The following AMIGO1 variants were observed in gnomAD, a reference collection of about 807,000 sequenced individuals.
AMIGO1 encodes adhesion molecule with Ig like domain 1.
For synonymous variants in AMIGO1, 249 were observed against 266.3 expected, an observed-to-expected ratio of 0.93 and a Z score of 0.63; for missense variants, 361 against 612.3, an observed-to-expected ratio of 0.59 and a Z score of 4.33.
At position 109,504,187 on chromosome 1, in the gene AMIGO1, A is replaced by G. The variant is rs760133267; in HGVS notation, c.*3244T>C. ...TAAACCAGTCAGATTGTGCCAGAAC[A>G]GAGACTCAAGCCAGGTTTAATGATC... On this transcript the variant is annotated 3_prime_UTR_variant, in exon 2 of 2. Coordinates refer to ENST00000369864, the MANE Select transcript of AMIGO1 (RefSeq NM_020703.4). 6.6e-6 allele frequency: 1 copy of G among 152,240 alleles called. No homozygotes were observed. Among genetic ancestry groups the G allele is most frequent in the African/African-American group, 2.4e-5 (1 of 41,442 alleles). 9.4% of individuals were successfully genotyped at this position (152,240 alleles called of 1,614,324 possible). A position where few individuals can be genotyped will look rare whatever the true frequency, so the allele number is the denominator to read the frequency against.
At position 109,505,185 on chromosome 1, in the gene AMIGO1, A is replaced by G. The variant is rs1250241353; in HGVS notation, c.*2246T>C. The G allele has an allele frequency of 1.3e-5, 2 of 152,196 alleles. No individual in the cohort carries two copies. Among genetic ancestry groups the G allele is most frequent in the African/African-American group, 2.4e-5 (1 of 41,434 alleles). The allele number at this position is 152,196 out of a possible 1,614,324, so 9.4% of individuals were successfully genotyped here. A position where few individuals can be genotyped will look rare whatever the true frequency, so the allele number is the denominator to read the frequency against. On this transcript the variant is annotated 3_prime_UTR_variant, in exon 2 of 2. Coordinates refer to ENST00000369864, the MANE Select transcript of AMIGO1 (RefSeq NM_020703.4). ...AATTGCTCATATATTGCTCATATAT[A>G]TAGTCTTCACGGGAGGTTTCTGAGG...
rs1233641959 is a variant in AMIGO1 at position 109,506,059 on chromosome 1, A to C, written c.*1372T>G. ...CCTCTCGATGGAGGAATGGGGTGGC[A>C]GAACTCCCCTTCTGAAAGTTTAGTA... On this transcript the variant is annotated 3_prime_UTR_variant, in exon 2 of 2. Transcript: ENST00000369864. 2.0e-5 allele frequency: 3 copies of C among 152,232 alleles called. No homozygotes were observed. Among genetic ancestry groups the C allele is most frequent in the African/African-American group, 7.2e-5 (3 of 41,458 alleles). 9.4% of individuals were successfully genotyped at this position (152,232 alleles called of 1,614,324 possible).
Position 109,507,646 on chromosome 1 carries a change from G to A in AMIGO1, c.1267C>T (p.Pro423Ser), listed in dbSNP as rs1444937591. 6 of 1,614,028 alleles carry A rather than the reference G, an allele frequency of 3.7e-6. No homozygotes were observed. The highest frequency in any genetic ancestry group is 5.1e-6 in the Non-Finnish European group (6 of 1,180,044). The change falls in exon 2 of 2, where the codon CCC (proline) becomes TCC (serine). Residue 423 changes from proline (P) to serine (S), a missense_variant. Physicochemically the swap from Pro to Ser is moderately conservative, Grantham distance 74 (BLOSUM62 -1). Coordinates refer to ENST00000369864, the MANE Select transcript of AMIGO1 (RefSeq NM_020703.4). This position sits in a 1 kb window ranked among gnomAD's most constrained non-coding sequence, Gnocchi z 4.7. ...CCACCAGCCATAGGATCATGGTTGG[G>A]TGTGGTACTAAGCATGGAAGAGCTG... ...SLSSSMLSTT[P>S]NHDPMAGGDK... is the part of the protein sequence containing the mutation.
In AMIGO1 at chr1:109,505,727, T is replaced by C. The variant is rs1658003818; in HGVS notation, c.*1704A>G. 1.3e-5 allele frequency: 2 copies of C among 152,136 alleles called. No individual in the cohort carries two copies. Among genetic ancestry groups the C allele is most frequent in the African/African-American group, 4.8e-5 (2 of 41,422 alleles). 9.4% of individuals were successfully genotyped at this position (152,136 alleles called of 1,614,324 possible). A position where few individuals can be genotyped will look rare whatever the true frequency, so the allele number is the denominator to read the frequency against. ...TCCAAGCCCCTCACCCACAGGTAAA[T>C]GACACCTCTTAGAATGTAAAAAGAG... On this transcript the variant is annotated 3_prime_UTR_variant, in exon 2 of 2. Transcript: ENST00000369864.
chr1:109,508,755 G>A lies in AMIGO1; in HGVS notation c.158C>T (p.Pro53Leu), dbSNP rs1384668414. Residue 53 changes from proline to leucine, a missense_variant, in exon 2 of 2, where the codon CCC becomes CTC. Transcript: ENST00000369864. This position sits in a 1 kb window ranked among gnomAD's most constrained non-coding sequence, Gnocchi z 7.8. ...NILSCSKQQL[P>L]NVPHSLPSYT... ...ACTGGGCAAGGAATGGGGCACATTGGGCAGCTGCTGCTTGGAGCAGCTGAG... is the reference window on the plus strand; with the variant it reads ...ACTGGGCAAGGAATGGGGCACATTGAGCAGCTGCTGCTTGGAGCAGCTGAG... 6.2e-7 allele frequency: 1 copy of A among 1,614,048 alleles called. No individual in the cohort carries two copies. The highest frequency in any genetic ancestry group is 1.7e-5 in the Admixed American group (1 of 60,014).
rs777746738 is a variant in AMIGO1, at chr1:109,506,604, C to G, written c.*827G>C. The G allele has an allele frequency of 6.6e-6, 1 of 152,220 alleles. No individual in the cohort carries two copies. The highest frequency in any genetic ancestry group is 1.5e-5 in the Non-Finnish European group (1 of 68,054). 9.4% of individuals were successfully genotyped at this position (152,220 alleles called of 1,614,324 possible). ...CAGATGCTGGGAATCAAATACTAAC[C>G]AAGGGTTTCACCAACCAGGGAATTA... is the stretch of plus-strand genomic sequence containing the variant. On this transcript the variant is annotated 3_prime_UTR_variant, in exon 2 of 2. Transcript: ENST00000369864.
chr1:109,509,035 G>A, intron 1 of AMIGO1, 36 bp from the exon 2 acceptor site: 1 of 1,146,766 alleles, frequency 8.7e-7, no homozygotes, highest in Non-Finnish European at 1.2e-6. Context: ...GGTCACCAAG[G>A]ACTCCAGAGG....
Position 109,506,238 on chromosome 1 carries a change from A to G in AMIGO1, c.*1193T>C, listed in dbSNP as rs1658021136. 6.6e-6 allele frequency: 1 copy of G among 152,202 alleles called. No homozygotes were observed. Among genetic ancestry groups the G allele is most frequent in the African/African-American group, 2.4e-5 (1 of 41,452 alleles). The allele number at this position is 152,202 out of a possible 1,614,324, so 9.4% of individuals were successfully genotyped here. ...GCTTTGACTTTGCAGCAGAGGTGGT[A>G]TCTCTGAGAGGAGCAAGGCAACCTT... On this transcript the variant is annotated 3_prime_UTR_variant, in exon 2 of 2. Coordinates refer to ENST00000369864, the MANE Select transcript of AMIGO1 (RefSeq NM_020703.4).
chr1:109,507,399 T>C lies in AMIGO1; in HGVS notation c.*32A>G, dbSNP rs144951810. ...TCCTTCAGGGGTGCATTACCTCTCC[T>C]GGGGCAGAATCTCCCCACCAACCCA... On this transcript the variant is annotated 3_prime_UTR_variant, in exon 2 of 2. Transcript: ENST00000369864. The surrounding 1 kb of genome is among the most constrained non-coding windows in gnomAD (Gnocchi z 4.7). 3,918 of 1,561,506 alleles carry C rather than the reference T, an allele frequency of 2.5e-3. 5 individuals carry two copies. Among genetic ancestry groups the C allele is most frequent in the Non-Finnish European group, 3.1e-3 (3,579 of 1,150,994 alleles).
intron 1 of AMIGO1, 135 bp from the exon 2 acceptor site, chr1:109,509,134 T>C (rs1658103441): frequency 5.1e-6 from 3 of 588,430 alleles, no homozygotes; most frequent in Non-Finnish European, 8.8e-6. Context: ...TTCCAGGCAC[T>C]GTGCAGGCAG....
chr1:109,509,306 G>A (rs1658108620), intron 1 of AMIGO1, 114 bp downstream of exon 1: 3 of 212,410 alleles, frequency 1.4e-5, no homozygotes, highest in African/African-American at 4.6e-5. Flanking sequence ...CCTTTTGGGA[G>A]GAGCTGAGGG....
In AMIGO1 at chr1:109,506,042, T is replaced by A. The variant is rs1284216307; in HGVS notation, c.*1389A>T. 1 of 152,200 alleles carries A rather than the reference T, an allele frequency of 6.6e-6. No homozygotes were observed. The highest frequency in any genetic ancestry group is 6.5e-5 in the Admixed American group (1 of 15,272). 9.4% of individuals were successfully genotyped at this position (152,200 alleles called of 1,614,324 possible). ...AACCACAACTGCAAAGACCTCTCGATGGAGGAATGGGGTGGCAGAACTCCC... is the reference window on the plus strand; with the variant it reads ...AACCACAACTGCAAAGACCTCTCGAAGGAGGAATGGGGTGGCAGAACTCCC... On this transcript the variant is annotated 3_prime_UTR_variant, in exon 2 of 2. Coordinates refer to ENST00000369864, the MANE Select transcript of AMIGO1 (RefSeq NM_020703.4).
In AMIGO1 at chr1:109,508,664, C is replaced by T. The variant is rs756429183; in HGVS notation, c.249G>A (p.Thr83=). 1 of 1,614,102 alleles carries T rather than the reference C, an allele frequency of 6.2e-7. No individual in the cohort carries two copies. Among genetic ancestry groups the T allele is most frequent in the Non-Finnish European group, 8.5e-7 (1 of 1,180,010 alleles). ...GCAGGGAGTGCAGTTGGGTCAGGCG[C>T]GTGGGGGTCCACTCGGCCCGCAGGC... ...LSRLRAEWTP[T]RLTQLHSLLL... is the part of the protein sequence containing the mutation. Residue 83 remains threonine (T), a synonymous_variant, in exon 2 of 2, where the codon ACG becomes ACA. Transcript: ENST00000369864. The surrounding 1 kb of genome is among the most constrained non-coding windows in gnomAD (Gnocchi z 7.8).
chr1:109,508,203 T>G lies in AMIGO1; in HGVS notation c.710A>C (p.Gln237Pro). 6.2e-7 allele frequency: 1 copy of G among 1,614,162 alleles called. No homozygotes were observed. The highest frequency in any genetic ancestry group is 8.5e-7 in the Non-Finnish European group (1 of 1,180,042). ...CATCACGGAGCTCAGCTGCCGATAC[T>G]GCCAGTGTGAAAACAGCTGGTAGAG... ...CELYQLFSHW[Q>P]YRQLSSVMDF... The change falls in exon 2 of 2, where the codon CAG (glutamine) becomes CCG (proline). Residue 237 changes from glutamine to proline, a missense_variant. By Grantham distance (76) the Gln-to-Pro change is moderately conservative. Transcript: ENST00000369864. This position sits in a 1 kb window ranked among gnomAD's most constrained non-coding sequence, Gnocchi z 7.8.
chr1:109,509,122 G>C, intron 1 of AMIGO1, 123 bp from the exon 2 acceptor site: 1 of 609,266 alleles, frequency 1.6e-6, no homozygotes, highest in Non-Finnish European at 2.8e-6. Flanking sequence ...ATGCTGGGTA[G>C]TTTCCAGGCA....
In AMIGO1 at chr1:109,507,391, A is replaced by G. The variant is rs774329101; in HGVS notation, c.*40T>C. 30 of 1,553,748 alleles carry G rather than the reference A, an allele frequency of 1.9e-5. No individual in the cohort carries two copies. The highest frequency in any genetic ancestry group is 2.5e-5 in the Non-Finnish European group (29 of 1,147,650). On this transcript the variant is annotated 3_prime_UTR_variant, in exon 2 of 2. Coordinates refer to ENST00000369864, the MANE Select transcript of AMIGO1 (RefSeq NM_020703.4). This position sits in a 1 kb window ranked among gnomAD's most constrained non-coding sequence, Gnocchi z 4.7. ...CCCTCATATCCTTCAGGGGTGCATT[A>G]CCTCTCCTGGGGCAGAATCTCCCCA...
At position 109,508,204 on chromosome 1, in the gene AMIGO1, G is replaced by C; in HGVS notation, c.709C>G (p.Gln237Glu). Residue 237 changes from glutamine (Q) to glutamate (E), a missense_variant, in exon 2 of 2, where the codon CAG (glutamine) becomes GAG (glutamate). By Grantham distance (29) the Gln-to-Glu change is conservative. Transcript: ENST00000369864. This position sits in a 1 kb window ranked among gnomAD's most constrained non-coding sequence, Gnocchi z 7.8. ...ATCACGGAGCTCAGCTGCCGATACT[G>C]CCAGTGTGAAAACAGCTGGTAGAGC... ...CELYQLFSHW[Q>E]YRQLSSVMDF... 6.2e-7 allele frequency: 1 copy of C among 1,614,084 alleles called. No individual in the cohort carries two copies. The highest frequency in any genetic ancestry group is 8.5e-7 in the Non-Finnish European group (1 of 1,180,046).
rs1168081019 is a variant in AMIGO1, at chr1:109,506,955, C to T, written c.*476G>A. On this transcript the variant is annotated 3_prime_UTR_variant, in exon 2 of 2. Transcript: ENST00000369864. ...TTCCCCAGCTGTGAAGTTTGACTTG[C>T]TAAACAAAGAAGATACTACAGCTTT... 1 of 156,152 alleles carries T rather than the reference C, an allele frequency of 6.4e-6. No homozygotes were observed. 9.7% of individuals were successfully genotyped at this position (156,152 alleles called of 1,614,324 possible). A position where few individuals can be genotyped will look rare whatever the true frequency, so the allele number is the denominator to read the frequency against.
At position 109,505,173 on chromosome 1, in the gene AMIGO1, T is replaced by C. The variant is rs1657982893; in HGVS notation, c.*2258A>G. 6.6e-6 allele frequency: 1 copy of C among 152,200 alleles called. No homozygotes were observed. The allele number at this position is 152,200 out of a possible 1,614,324, so 9.4% of individuals were successfully genotyped here. ...TAGTTCTATCTTAATTGCTCATATATTGCTCATATATATAGTCTTCACGGG... is the reference window on the plus strand; with the variant it reads ...TAGTTCTATCTTAATTGCTCATATACTGCTCATATATATAGTCTTCACGGG... On this transcript the variant is annotated 3_prime_UTR_variant, in exon 2 of 2. Coordinates refer to ENST00000369864, the MANE Select transcript of AMIGO1 (RefSeq NM_020703.4).
Sources: allele counts gnomAD v4.1 joint callset, GRCh38; gene constraint gnomAD v4.1.1; non-coding constraint Gnocchi (gnomAD v3.1); transcripts MANE v1.5; gene names NCBI Gene and HGNC (gene_info 2026-07-23, HGNC 2026-07-21).